SWT1: variants seen among roughly 807,000 people sequenced by gnomAD.
The protein encoded by SWT1 is transcriptional protein SWT1.
A neutral mutation model predicts 107.3 loss-of-function variants in SWT1; 33 were observed. That is an observed-to-expected ratio of 0.31 (90% confidence interval 0.23 to 0.41). The LOEUF (loss-of-function observed/expected upper bound fraction) is 0.41. SWT1 is among the 10% of genes least tolerant of loss of function. SWT1 has a pLI of 1.00. For synonymous variants in SWT1, 345 were observed against 348.3 expected (o/e 0.99, Z 0.11); for missense variants, 898 against 1,028.9 (o/e 0.87, Z 1.74).
chr1:185,163,110 A>C (rs1344388831), intron 2 of SWT1, among the ~76,000 whole-genome samples: 1 of 152,186 alleles, frequency 6.6e-6, no homozygotes, highest in Non-Finnish European at 1.5e-5. Context: ...TAATTACGGA[A>C]GGATGGGGTG....
intron 7 of SWT1, 78 bp from the exon 8 acceptor site, chr1:185,184,165 G>T: frequency 5.4e-5 from 36 of 665,676 alleles, no homozygotes; most frequent in Non-Finnish European, 6.1e-5. Flanking sequence ...AATTTTCAAT[G>T]CTTCTGTAAT....
intron 5 of SWT1, among the ~76,000 whole-genome samples, chr1:185,176,385 G>A (rs182777909): frequency 2.6e-4 from 39 of 152,010 alleles, no homozygotes; most frequent in Admixed American, 8.5e-4. Flanking sequence ...CTTAAGTGGA[G>A]GTGAAGTGAG....
At position 185,276,593 on chromosome 1, in the gene SWT1, GT is replaced by G. The variant is rs1558097599; in HGVS notation, c.2509-9del. 2 of 1,520,280 alleles carry G rather than the reference GT, an allele frequency of 1.3e-6. No individual in the cohort carries two copies. The highest frequency in any genetic ancestry group is 1.8e-6 in the Non-Finnish European group (2 of 1,103,430). 94.2% of individuals were successfully genotyped at this position (1,520,280 alleles called of 1,614,324 possible). On this transcript the variant is annotated splice_polypyrimidine_tract_variant and intron_variant, in intron 17 of 18. Coordinates refer to ENST00000367500, the MANE Select transcript of SWT1 (RefSeq NM_017673.7). ...ATATATTTTTAATAACTATATCTTG[GT>G]TCCTTTCAGGTAAATAAAAATGTCA...
In SWT1 at chr1:185,170,290, A is replaced by G. The variant is rs979135175; in HGVS notation, c.224+1892A>G. Reference sequence around the variant, plus strand: ...TTTCTGAAGGGCACCACAAGGCATCAGGGTCTCTTTCAAAGTCACTGGCTG... The same window carrying G: ...TTTCTGAAGGGCACCACAAGGCATCGGGGTCTCTTTCAAAGTCACTGGCTG... On this transcript the variant is annotated intron_variant, in intron 4 of 18. Coordinates refer to ENST00000367500, the MANE Select transcript of SWT1 (RefSeq NM_017673.7). 4.6e-5 allele frequency among the ~76,000 whole-genome samples: 7 copies of G among 152,318 alleles called. No individual in the cohort carries two copies. The South Asian group carries it at 1.5e-3, about 32-fold the overall frequency.
intron 2 of SWT1, among the ~76,000 whole-genome samples, chr1:185,163,141 A>T (rs1050361445): frequency 6.6e-6 from 1 of 152,182 alleles, no homozygotes; most frequent in Non-Finnish European, 1.5e-5. Context: ...GTCTTAAGAC[A>T]GCAATGAAGT....
chr1:185,179,255 C>T (rs577893721), intron 5 of SWT1, among the ~76,000 whole-genome samples: 13 of 152,170 alleles, frequency 8.5e-5, no homozygotes, highest in African/African-American at 2.6e-4. Flanking sequence ...GGCAACAGAG[C>T]GAGACTCTGT....
chr1:185,269,125 A>T (rs960076707), intron 16 of SWT1, among the ~76,000 whole-genome samples: 6 of 152,058 alleles, frequency 3.9e-5, no homozygotes, highest in East Asian at 1.9e-4. Flanking sequence ...GTGCTGGGAT[A>T]ACAGGCGTGA....
chr1:185,215,049 A>G (rs893392742), intron 14 of SWT1, among the ~76,000 whole-genome samples: 3 of 152,198 alleles, frequency 2.0e-5, no homozygotes, highest in Non-Finnish European at 4.4e-5. Context: ...ATTTTTTGAC[A>G]GTGTTACTTG....
chr1:185,221,841 T>A lies in SWT1; in HGVS notation c.2122-8T>A, dbSNP rs200261479. ...TAGCTGCATTTTATGTAATTCTTAT[T>A]TCCCCAGGTCAAGACAAAACTTAAG... On this transcript the variant is annotated splice_polypyrimidine_tract_variant and splice_region_variant and intron_variant, in intron 14 of 18. Transcript: ENST00000367500. The A allele has an allele frequency of 8.5e-6, 13 of 1,534,784 alleles. No homozygotes were observed. The highest frequency in any genetic ancestry group is 8.7e-6 in the Non-Finnish European group (10 of 1,144,432).
At chr1:185,289,936 TAATGAC>T (rs1231326249) in intron 18 of SWT1, among the ~76,000 whole-genome samples, 1 of 152,158 alleles carries the variant, frequency 6.6e-6, no homozygotes, top group Non-Finnish European at 1.5e-5. Flanking sequence ...TGACTTTAGT[TAATGAC>T]AATGTATTGT....
Position 185,157,314 on chromosome 1 carries a change from G to C in SWT1, c.-10G>C. 6.5e-6 allele frequency: 1 copy of C among 153,004 alleles called. No individual in the cohort carries two copies. Among genetic ancestry groups the C allele is most frequent in the Non-Finnish European group, 1.5e-5 (1 of 68,410 alleles). The allele number at this position is 153,004 out of a possible 1,614,324, so 9.5% of individuals were successfully genotyped here. ...TTGCCACTGCCGCCGGCGCTGGTAA[G>C]GTAGGAACTGCGGGGTGCGTTGACG... On this transcript the variant is annotated splice_region_variant and 5_prime_UTR_variant, in exon 1 of 19. Transcript: ENST00000367500.
Position 185,278,299 on chromosome 1 carries a change from T to C in SWT1, c.2573+1631T>C, listed in dbSNP as rs567689286. 2.0e-5 allele frequency among the ~76,000 whole-genome samples: 3 copies of C among 152,302 alleles called. No individual in the cohort carries two copies. The South Asian group carries it at 6.2e-4, about 32-fold the overall frequency. ...CCTTTATAAAAGAGACTGCAGAGCATTGGCTAATTCCTTCCCTTCTGCCAT... is the reference window on the plus strand; with the variant it reads ...CCTTTATAAAAGAGACTGCAGAGCACTGGCTAATTCCTTCCCTTCTGCCAT... On this transcript the variant is annotated intron_variant, in intron 18 of 18. Coordinates refer to ENST00000367500, the MANE Select transcript of SWT1 (RefSeq NM_017673.7).
At chr1:185,172,116 C>T (rs1655126043) in intron 4 of SWT1, among the ~76,000 whole-genome samples, 3 of 152,140 alleles carry the variant, frequency 2.0e-5, no homozygotes, top group Admixed American at 1.3e-4. Context: ...TGGGTGCCTA[C>T]CAGAGTGATG....
chr1:185,212,374 G>T (rs1318375089), intron 13 of SWT1, among the ~76,000 whole-genome samples: 1 of 152,008 alleles, frequency 6.6e-6, no homozygotes, highest in Non-Finnish European at 1.5e-5. Flanking sequence ...GTTTTTCCTG[G>T]CAGGGGGGTC....
At chr1:185,212,817 A>AAT (rs199740736) in intron 13 of SWT1, among the ~76,000 whole-genome samples, 2 of 151,624 alleles carry the variant, frequency 1.3e-5, no homozygotes, top group South Asian at 2.1e-4. Flanking sequence ...AAAAAAAAAA[A>AAT]ACTTCTTGCT....
intron 4 of SWT1, among the ~76,000 whole-genome samples, chr1:185,170,573 AG>A (rs1200133644): frequency 1.3e-5 from 2 of 152,194 alleles, no homozygotes; most frequent in Admixed American, 1.3e-4. Flanking sequence ...GGTCCCACAC[AG>A]GAGGCCACAT....
At chr1:185,194,182 T>C (rs1657196836) in intron 10 of SWT1, among the ~76,000 whole-genome samples, 1 of 152,206 alleles carries the variant, frequency 6.6e-6, no homozygotes, top group Admixed American at 6.5e-5. Context: ...CGCCTGTATA[T>C]TTAAAGTAAG....
At chr1:185,232,412 G>A (rs183146491) in intron 16 of SWT1, among the ~76,000 whole-genome samples, 2 of 152,278 alleles carry the variant, frequency 1.3e-5, no homozygotes, top group East Asian at 3.9e-4. Flanking sequence ...TAATAACTCA[G>A]CAGATGTTCA....
rs545764312 is a variant in SWT1, at chr1:185,231,835, C to G, written c.2441+127C>G. On this transcript the variant is annotated intron_variant, in intron 16 of 18. Transcript: ENST00000367500. Reference sequence around the variant, plus strand: ...ACCGTGGCACTTTATAGCATGAAATCAAGTGCTTTCTTTTGTGGCACTAAA... The same window carrying G: ...ACCGTGGCACTTTATAGCATGAAATGAAGTGCTTTCTTTTGTGGCACTAAA... The G allele has an allele frequency of 1.3e-5, 8 of 626,912 alleles. No homozygotes were observed. The African/African-American group carries it at 1.3e-4, about 10-fold the overall frequency. 38.8% of individuals were successfully genotyped at this position (626,912 alleles called of 1,614,324 possible). A position where few individuals can be genotyped will look rare whatever the true frequency, so the allele number is the denominator to read the frequency against.
Sources: allele counts gnomAD v4.1 joint callset (sites outside exome capture counted in the v4.1 genomes callset), GRCh38; gene constraint gnomAD v4.1.1; transcripts MANE v1.5; gene names NCBI Gene and HGNC (gene_info 2026-07-23, HGNC 2026-07-21).